The following NEMP2 variants were observed in gnomAD, a reference collection of about 807,000 sequenced individuals.
NEMP2 encodes nuclear envelope integral membrane protein 2, also known as UPF0571 transmembrane protein.
In NEMP2, 53 loss-of-function variants were observed where a neutral mutation model predicts 54.2. The observed-to-expected ratio is 0.98, with a 90% CI of 0.78 to 1.23. The LOEUF is 1.23. NEMP2 is among the 50% of genes most tolerant of loss of function. The pLI, the probability that NEMP2 is intolerant of heterozygous loss-of-function variation, is 0.00. For synonymous variants in NEMP2, 197 were observed against 190.3 expected, an observed-to-expected ratio of 1.04 and a Z score of -0.29; for missense variants, 455 against 511.3, an observed-to-expected ratio of 0.89 and a Z score of 1.06.
At chr2:190,462,809 A>G in the NEMP2 span, among the ~76,000 whole-genome samples, 1 of 152,188 alleles carries the variant, frequency 6.6e-6, no homozygotes, top group African/African-American at 2.4e-5. The surrounding 1 kb of genome is among the most constrained non-coding windows in gnomAD (Gnocchi z 5.7). Context: ...CTACTTCTAG[A>G]TAAGCACTTG....
chr2:190,475,093 C>T, the NEMP2 span, among the ~76,000 whole-genome samples: 5 of 152,164 alleles, frequency 3.3e-5, no homozygotes, highest in African/African-American at 1.2e-4. Flanking sequence ...CTATGACAAA[C>T]CCACAGCCAA....
At chr2:190,606,229 C>T in the NEMP2 span, among the ~76,000 whole-genome samples, 2 of 152,134 alleles carry the variant, frequency 1.3e-5, no homozygotes, top group African/African-American at 4.8e-5. Context: ...TTTAGATTCC[C>T]AGTGACCTAA....
the NEMP2 span, among the ~76,000 whole-genome samples, chr2:190,585,495 G>A: frequency 6.6e-6 from 1 of 152,174 alleles, no homozygotes; most frequent in Non-Finnish European, 1.5e-5. The surrounding 1 kb of genome is among the most constrained non-coding windows in gnomAD (Gnocchi z 5.3). Flanking sequence ...ACAGCCTTAT[G>A]CCAGATGCAT....
In NEMP2 at chr2:190,522,359, C is replaced by T. The variant is rs1023202569; in HGVS notation, c.213+2904G>A. On this transcript the variant is annotated intron_variant, in intron 2 of 8. Coordinates refer to ENST00000409150, the MANE Select transcript of NEMP2 (RefSeq NM_001142645.2). This position sits in a 1 kb window ranked among gnomAD's most constrained non-coding sequence, Gnocchi z 5.0. ...CATGTGACAAACCTGCACATGTACC[C>T]CCAAATCTAAAAAATTAAAAATTAA... 6.6e-6 allele frequency among the ~76,000 whole-genome samples: 1 copy of T among 151,500 alleles called. No homozygotes were observed. The highest frequency in any genetic ancestry group is 1.5e-5 in the Non-Finnish European group (1 of 67,922).
chr2:190,639,869 C>T, the NEMP2 span, among the ~76,000 whole-genome samples: 4 of 151,978 alleles, frequency 2.6e-5, no homozygotes, highest in African/African-American at 7.2e-5. Flanking sequence ...AGAATGGTCT[C>T]GATCTCCTGA....
At position 190,525,401 on chromosome 2, in the gene NEMP2, C is replaced by T; in HGVS notation, c.98-23G>A. On this transcript the variant is annotated intron_variant, in intron 1 of 8. Transcript: ENST00000409150. This position sits in a 1 kb window ranked among gnomAD's most constrained non-coding sequence, Gnocchi z 5.0. ...GAACTGAGAGATGGAAAAGGGAATG[C>T]ATTTTCTAACTGTTTAATTGCCCAG... 2 of 1,317,956 alleles carry T rather than the reference C, an allele frequency of 1.5e-6. No individual in the cohort carries two copies. Among genetic ancestry groups the T allele is most frequent in the Non-Finnish European group, 2.1e-6 (2 of 947,288 alleles). The allele number at this position is 1,317,956 out of a possible 1,614,324, so 81.6% of individuals were successfully genotyped here. A position where few individuals can be genotyped will look rare whatever the true frequency, so the allele number is the denominator to read the frequency against.
At chr2:190,648,524 T>TG in the NEMP2 span, 7 of 148,014 alleles carry the variant, frequency 4.7e-5, no homozygotes, top group Admixed American at 4.0e-4. Flanking sequence ...TTGTTTTTTT[T>TG]TTTTTTTTTT....
At chr2:190,492,528 TTAAA>T in the NEMP2 span, among the ~76,000 whole-genome samples, 3 of 152,150 alleles carry the variant, frequency 2.0e-5, no homozygotes, top group Non-Finnish European at 2.9e-5. This position sits in a 1 kb window ranked among gnomAD's most constrained non-coding sequence, Gnocchi z 5.2. Context: ...TAAATGGAAA[TTAAA>T]TAACCTCCTG....
chr2:190,444,338 C>T, the NEMP2 span, among the ~76,000 whole-genome samples: 4 of 152,274 alleles, frequency 2.6e-5, no homozygotes, highest in African/African-American at 7.2e-5. Flanking sequence ...CACAGAGGTA[C>T]GAAGATTCCA....
At chr2:190,432,501 C>A in the NEMP2 span, among the ~76,000 whole-genome samples, 2 of 152,192 alleles carry the variant, frequency 1.3e-5, no homozygotes, top group Non-Finnish European at 2.9e-5. Context: ...TCTGCAACCT[C>A]CGGCTCCTGG....
chr2:190,482,875 T>TA, the NEMP2 span, among the ~76,000 whole-genome samples: 2 of 25,152 alleles, frequency 8.0e-5, no homozygotes, highest in African/African-American at 2.0e-4. Context: ...CATCTTTTTT[T>TA]TTTTTTTTTT....
the NEMP2 span, among the ~76,000 whole-genome samples, chr2:190,480,368 G>C: frequency 7.1e-6 from 1 of 140,036 alleles, no homozygotes; most frequent in Non-Finnish European, 1.5e-5. Context: ...TCAGCCCCCT[G>C]TATCATGTAC....
Position 190,519,857 on chromosome 2 carries a change from A to G in NEMP2, c.214-674T>C, listed in dbSNP as rs1173730978. Among the ~76,000 whole-genome samples the G allele has an allele frequency of 6.6e-6, 1 of 152,230 alleles. No individual in the cohort carries two copies. The highest frequency in any genetic ancestry group is 1.5e-5 in the Non-Finnish European group (1 of 68,034). On this transcript the variant is annotated intron_variant, in intron 2 of 8. Transcript: ENST00000409150. The surrounding 1 kb of genome is among the most constrained non-coding windows in gnomAD (Gnocchi z 5.4). ...AGATAGTGCATTTCTTACAAACGGA[A>G]GGTTTGTGCAACTCTGTGTCAGGCA...
At position 190,520,659 on chromosome 2, in the gene NEMP2, C is replaced by T. The variant is rs1482873988; in HGVS notation, c.214-1476G>A. On this transcript the variant is annotated intron_variant, in intron 2 of 8. Transcript: ENST00000409150. This position sits in a 1 kb window ranked among gnomAD's most constrained non-coding sequence, Gnocchi z 5.4. ...ACACCAATCCTTCCAGTATCCTGACCTCTCAGTTCCTGGGACTCCTTTCCT... is the reference window on the plus strand; with the variant it reads ...ACACCAATCCTTCCAGTATCCTGACTTCTCAGTTCCTGGGACTCCTTTCCT... Among the ~76,000 whole-genome samples, 1 of 152,176 alleles carries T rather than the reference C, an allele frequency of 6.6e-6. No individual in the cohort carries two copies. The highest frequency in any genetic ancestry group is 1.9e-4 in the East Asian group (1 of 5,194).
chr2:190,640,930 T>C, the NEMP2 span: 1 of 152,016 alleles, frequency 6.6e-6, no homozygotes, highest in African/African-American at 2.4e-5. Flanking sequence ...TCTGCTTTTC[T>C]TTCCTTTTCC....
At chr2:190,598,261 G>A in the NEMP2 span, among the ~76,000 whole-genome samples, 1 of 152,180 alleles carries the variant, frequency 6.6e-6, no homozygotes, top group East Asian at 1.9e-4. Flanking sequence ...TTAGTGAGAG[G>A]GAAGAGAAGA....
chr2:190,436,692 C>G, the NEMP2 span: 1 of 1,614,232 alleles, frequency 6.2e-7, no homozygotes, highest in Non-Finnish European at 8.5e-7. This position sits in a 1 kb window ranked among gnomAD's most constrained non-coding sequence, Gnocchi z 5.3. Context: ...CAAACATGAA[C>G]AGTGAACCCA....
chr2:190,454,462 A>T, the NEMP2 span: 2 of 152,158 alleles, frequency 1.3e-5, no homozygotes, highest in Non-Finnish European at 1.5e-5. This position sits in a 1 kb window ranked among gnomAD's most constrained non-coding sequence, Gnocchi z 4.6. Context: ...GGCCCTCATA[A>T]TGGGGTTAGT....
chr2:190,423,676 T>TCCTA, the NEMP2 span, among the ~76,000 whole-genome samples: 1 of 152,222 alleles, frequency 6.6e-6, no homozygotes, highest in Non-Finnish European at 1.5e-5. The surrounding 1 kb of genome is among the most constrained non-coding windows in gnomAD (Gnocchi z 4.3). Flanking sequence ...TACTGGGTTT[T>TCCTA]ATGGTAATCA....
Sources: gnomAD v4.1 joint callset for allele counts (sites outside exome capture counted in the v4.1 genomes callset) on GRCh38, gnomAD v4.1.1 for gene constraint, Gnocchi (gnomAD v3.1) non-coding constraint, MANE v1.5 for transcripts, NCBI Gene and HGNC (gene_info 2026-07-23, HGNC 2026-07-21) for gene names.